The following ZNF846 variants were observed in gnomAD, a reference collection of about 807,000 sequenced individuals.
The protein encoded by ZNF846 is zinc finger protein 846, also known as zinc finger protein 420 pseudogene.
Under a neutral mutation model 16.0 loss-of-function variants are expected in ZNF846, and 15 were observed. The ratio of observed to expected loss-of-function variants is 0.94; its 90% confidence interval spans 0.63 to 1.45. The LOEUF is 1.45. Among genes scored for constraint, ZNF846 ranks in the 40% most tolerant of loss-of-function variants. The probability of loss-of-function intolerance (pLI) is 0.00; values close to 1 mark genes in which losing one functional copy is unlikely to be tolerated. For synonymous variants in ZNF846, 229 were observed against 212.0 expected (o/e 1.08, Z -0.70); for missense variants, 714 against 622.3 (o/e 1.15, Z -1.57).
chr19:9,786,102 G>A (rs1179344532), upstream of ZNF846: 1 of 151,874 alleles, frequency 6.6e-6, no homozygotes, highest in Non-Finnish European at 1.5e-5. Flanking sequence ...GAGGGGCGGC[G>A]GCCGCGTCCT....
intron 1 of ZNF846, chr19:9,774,667 T>C: frequency 1.4e-6 from 2 of 1,469,992 alleles, no homozygotes; most frequent in Non-Finnish European, 1.9e-6. Context: ...AAATCAACTT[T>C]CCAGCAGAGT....
chr19:9,762,188 A>G lies in ZNF846; in HGVS notation c.143-20T>C. On this transcript the variant is annotated intron_variant, in intron 3 of 5. Transcript: ENST00000397902. ...ACCCTGCTGGAGGGAAAAATGCACA[A>G]AAGAAGAGGCCCATGCAAGACATAA... 6.3e-7 allele frequency: 1 copy of G among 1,599,712 alleles called. No homozygotes were observed. The highest frequency in any genetic ancestry group is 8.6e-7 in the Non-Finnish European group (1 of 1,167,086).
chr19:9,784,770 C>G (rs1049635882), intron 1 of ZNF846, among the ~76,000 whole-genome samples: 2 of 152,044 alleles, frequency 1.3e-5, no homozygotes, highest in Non-Finnish European at 2.9e-5. Flanking sequence ...CCTGGGTAAC[C>G]GAGAATGGAG....
At chr19:9,783,218 C>CTTTTTTTTTTTTTT (rs74183307) in intron 1 of ZNF846, among the ~76,000 whole-genome samples, 2 of 65,366 alleles carry the variant, frequency 3.1e-5, no homozygotes, top group Non-Finnish European at 5.8e-5. Context: ...CCCTATAATT[C>CTTTTTTTTTTTTTT]TTTTTTTTTT....
chr19:9,776,367 G>A (rs1409539957), intron 1 of ZNF846, among the ~76,000 whole-genome samples: 1 of 152,150 alleles, frequency 6.6e-6, no homozygotes, highest in Admixed American at 6.6e-5. Context: ...CTGTACACCT[G>A]GCTCTGCCTT....
chr19:9,758,850 G>A, intron 5 of ZNF846, 86 bp from the exon 6 acceptor site: 5 of 1,062,344 alleles, frequency 4.7e-6, no homozygotes, highest in Non-Finnish European at 6.7e-6. Context: ...TATATGCATT[G>A]GAAATATATT....
intron 4 of ZNF846, 76 bp downstream of exon 4, chr19:9,762,006 T>C (rs527838333): frequency 3.1e-4 from 401 of 1,304,646 alleles, no homozygotes; most frequent in Non-Finnish European, 4.1e-4. Context: ...GTTCGCAAAG[T>C]AACATTTCCA....
upstream of ZNF846, among the ~76,000 whole-genome samples, chr19:9,769,329 C>A (rs1029826809): frequency 2.0e-5 from 3 of 152,088 alleles, no homozygotes; most frequent in East Asian, 5.8e-4. Context: ...GGATCCTCCC[C>A]CCTCGGCCTC....
At chr19:9,773,580 G>C (rs2045407618), upstream of ZNF846, among the ~76,000 whole-genome samples, 1 of 152,070 alleles carries the variant, frequency 6.6e-6, no homozygotes, top group Non-Finnish European at 1.5e-5. Context: ...TCAGGAGCTT[G>C]AGACCAGCCT....
chr19:9,749,755 GCTGACTGA>G (rs1233798500), downstream of ZNF846, among the ~76,000 whole-genome samples: 2 of 151,668 alleles, frequency 1.3e-5, no homozygotes, highest in African/African-American at 4.8e-5. Flanking sequence ...CGCTCTACAG[GCTGACTGA>G]GCTACCTCTC....
intron 1 of ZNF846, among the ~76,000 whole-genome samples, chr19:9,785,230 G>A (rs1477056249): frequency 7.2e-6 from 1 of 138,004 alleles, no homozygotes; most frequent in Non-Finnish European, 1.5e-5. Context: ...TTGAGACGGA[G>A]TCTCGCTCTA....
downstream of ZNF846, chr19:9,756,702 T>C (rs2045140327): frequency 6.6e-6 from 1 of 151,460 alleles, no homozygotes; most frequent in South Asian, 2.1e-4. Context: ...AGCCTTTACA[T>C]TTGTAGGGTT....
chr19:9,778,651 A>G (rs1010464846), intron 1 of ZNF846, among the ~76,000 whole-genome samples: 2 of 152,046 alleles, frequency 1.3e-5, no homozygotes, highest in Admixed American at 1.3e-4. Context: ...CTAAAAATAC[A>G]AAACAGCCAG....
At chr19:9,760,028 A>C in intron 4 of ZNF846, 86 bp from the exon 5 acceptor site, 9 of 975,730 alleles carry the variant, frequency 9.2e-6, no homozygotes, top group Non-Finnish European at 1.4e-5. Flanking sequence ...GTGGTGGCTC[A>C]CACCTGTAAT....
At chr19:9,781,228 C>A (rs1281924927) in intron 1 of ZNF846, among the ~76,000 whole-genome samples, 1 of 152,056 alleles carries the variant, frequency 6.6e-6, no homozygotes, top group Non-Finnish European at 1.5e-5. Flanking sequence ...CAGGTCCAAG[C>A]GAATTCTCCT....
intron 2 of ZNF846, among the ~76,000 whole-genome samples, chr19:9,764,633 C>T (rs1199454460): frequency 1.3e-5 from 2 of 152,168 alleles, no homozygotes; most frequent in Non-Finnish European, 2.9e-5. Flanking sequence ...AAGGCGGTGA[C>T]CCCCCTGGAC....
chr19:9,758,622 C>A (rs2045173486), exon 6 of ZNF846: 2 of 1,613,070 alleles, frequency 1.2e-6, no homozygotes, highest in African/African-American at 2.7e-5. Context: ...AAAGTTCTTT[C>A]TTAAGGCTTT....
Position 9,763,311 on chromosome 19 carries a change from AACATC to A in ZNF846, c.108_112del (p.Met37GlyfsTer13). ...TATAATGAGATTCTTGTAGTTCTCC[AACATC>A]ACATCTCTGTAGAGATCTCTCTGGG... On this transcript the variant is annotated frameshift_variant, in exon 3 of 6. Transcript: ENST00000397902. LOFTEE classifies it high-confidence loss of function. 2 of 1,605,846 alleles carry A rather than the reference AACATC, an allele frequency of 1.2e-6. No homozygotes were observed. The highest frequency in any genetic ancestry group is 1.7e-6 in the Non-Finnish European group (2 of 1,175,586).
chr19:9,783,536 A>AT (rs1340564433), intron 1 of ZNF846, among the ~76,000 whole-genome samples: 10 of 108,360 alleles, frequency 9.2e-5, no homozygotes, highest in South Asian at 2.4e-4. Context: ...TAAAAAAAAA[A>AT]AAAAAAAAAT....
Sources: gnomAD v4.1 joint callset for allele counts (sites outside exome capture counted in the v4.1 genomes callset) on GRCh38, gnomAD v4.1.1 for gene constraint, MANE v1.5 for transcripts, NCBI Gene and HGNC (gene_info 2026-07-23, HGNC 2026-07-21) for gene names.